The following CHN1 variants were observed in gnomAD, a reference collection of about 807,000 sequenced individuals.
CHN1 encodes the protein chimerin 1, also known as N-chimaerin.
CHN1 carries 37 observed loss-of-function variants against 59.5 expected under a neutral mutation model. That is an observed-to-expected ratio of 0.62 (90% CI 0.48 to 0.82). CHN1 has a LOEUF of 0.82. Ranked by LOEUF, CHN1 falls within the 40% of genes least tolerant of loss-of-function variation. The pLI is 0.00. For missense variants in CHN1, 469 were observed against 571.0 expected, an observed-to-expected ratio of 0.82 and a Z score of 1.82; for synonymous variants, 206 against 200.4, an observed-to-expected ratio of 1.03 and a Z score of -0.24.
intron 1 of CHN1, among the ~76,000 whole-genome samples, chr2:174,994,635 C>T (rs970435849): frequency 6.6e-6 from 1 of 152,156 alleles, no homozygotes; most frequent in Non-Finnish European, 1.5e-5. Context: ...AAAGGGGTAA[C>T]GCACAAAGGA....
At chr2:174,988,136 A>G (rs1030315490) in intron 1 of CHN1, among the ~76,000 whole-genome samples, 3 of 152,130 alleles carry the variant, frequency 2.0e-5, no homozygotes, top group African/African-American at 7.2e-5. Flanking sequence ...AGGCGGGCGG[A>G]TCACGAGGTC....
chr2:174,968,136 A>C (rs963219739), intron 1 of CHN1, among the ~76,000 whole-genome samples: 1 of 152,262 alleles, frequency 6.6e-6, no homozygotes, highest in Non-Finnish European at 1.5e-5. Context: ...TAACGCTTAC[A>C]TGAAACTATT....
At position 174,830,790 on chromosome 2, in the gene CHN1, AC is replaced by A. The variant is rs577701515; in HGVS notation, c.628-6273del. 3.9e-3 allele frequency among the ~76,000 whole-genome samples: 596 copies of A among 152,314 alleles called. 4 individuals are homozygous for A. The highest frequency in any genetic ancestry group is 0.014 in the African/African-American group (571 of 41,566). ...GGCGCAGGTGCTAATGGCCTGTATA[AC>A]CAGCTGCTATAGAGGTGGCCACACG... On this transcript the variant is annotated intron_variant, in intron 7 of 12. Coordinates refer to ENST00000409900, the MANE Select transcript of CHN1 (RefSeq NM_001822.7).
chr2:174,878,687 C>T (rs1471238194), intron 5 of CHN1, among the ~76,000 whole-genome samples: 2 of 152,254 alleles, frequency 1.3e-5, no homozygotes, highest in Non-Finnish European at 2.9e-5. Flanking sequence ...CACACTTTCG[C>T]TACTTCTGGC....
At chr2:174,957,988 A>G (rs1321415312) in intron 1 of CHN1, among the ~76,000 whole-genome samples, 1 of 152,134 alleles carries the variant, frequency 6.6e-6, no homozygotes, top group East Asian at 1.9e-4. Context: ...GGTTGGAAAT[A>G]TCCCACGTGG....
intron 3 of CHN1, among the ~76,000 whole-genome samples, chr2:174,927,493 G>A (rs1369848751): frequency 6.6e-6 from 1 of 152,070 alleles, no homozygotes; most frequent in Non-Finnish European, 1.5e-5. Context: ...GCTCTCCACA[G>A]GAAATTTGAA....
intron 6 of CHN1, among the ~76,000 whole-genome samples, chr2:174,873,847 G>A (rs1209415706): frequency 6.6e-6 from 1 of 151,804 alleles, no homozygotes; most frequent in African/African-American, 2.4e-5. Context: ...AGCTTAGAGG[G>A]GAAGAAAAAA....
At chr2:174,973,684 C>A (rs1690831572) in intron 1 of CHN1, among the ~76,000 whole-genome samples, 2 of 152,156 alleles carry the variant, frequency 1.3e-5, no homozygotes, top group Non-Finnish European at 2.9e-5. Context: ...CTTTGTGCTG[C>A]CAGCTTTGGC....
At chr2:174,822,796 A>G (rs1367891532) in intron 8 of CHN1, among the ~76,000 whole-genome samples, 3 of 152,072 alleles carry the variant, frequency 2.0e-5, no homozygotes, top group African/African-American at 7.2e-5. Context: ...CTTCATCCCA[A>G]CTCTGGATAA....
At chr2:174,889,066 C>G (rs1687973729) in intron 5 of CHN1, among the ~76,000 whole-genome samples, 1 of 152,198 alleles carries the variant, frequency 6.6e-6, no homozygotes, top group African/African-American at 2.4e-5. Flanking sequence ...ACCTGCAAAA[C>G]TACTCACAGA....
chr2:174,886,826 T>G (rs1225591997), intron 5 of CHN1, among the ~76,000 whole-genome samples: 1 of 150,784 alleles, frequency 6.6e-6, no homozygotes, highest in Admixed American at 6.6e-5. Context: ...CAGAAAAAAA[T>G]GTCTTACTAA....
chr2:174,848,086 C>T (rs1558950903), intron 6 of CHN1, among the ~76,000 whole-genome samples: 1 of 152,124 alleles, frequency 6.6e-6, no homozygotes, highest in African/African-American at 2.4e-5. Context: ...TATTTTCATG[C>T]AGAACAAGGA....
intron 1 of CHN1, among the ~76,000 whole-genome samples, chr2:174,972,786 T>C (rs1252712585): frequency 6.6e-6 from 1 of 152,112 alleles, no homozygotes; most frequent in Non-Finnish European, 1.5e-5. Flanking sequence ...TCAGAGAGAA[T>C]GTTTAACAAA....
Position 174,811,513 on chromosome 2 carries a change from C to G in CHN1, c.962G>C (p.Arg321Thr), listed in dbSNP as rs202153128. 7.5e-5 allele frequency: 121 copies of G among 1,607,190 alleles called. 2 individuals are homozygous for G. The Middle Eastern group carries it at 1.3e-3, about 18-fold the overall frequency. The change falls in exon 10 of 13, where the codon AGA becomes ACA. Residue 321 changes from arginine to threonine, a missense_variant and splice_region_variant. Arg to Thr is a moderately conservative substitution (Grantham distance 71). This residue lies in a region of CHN1 where 225 missense variants were observed against 289.9 expected (regional missense o/e 0.78). Transcript: ENST00000409900. The stretch of plus-strand genomic sequence containing the variant: ...ATGGAACATTGTGAAAAACATACCT[C>G]TGTCGAAAGCCATCTTGACATCTTC... ...LIEDVKMAFD[R>T]DGEKADISVN...
intron 1 of CHN1, among the ~76,000 whole-genome samples, chr2:174,998,553 G>C (rs531760648): frequency 6.6e-6 from 1 of 152,222 alleles, no homozygotes; most frequent in South Asian, 2.1e-4. Context: ...CAGAGTCAGA[G>C]TGGAAAGAGA....
At chr2:174,932,247 C>T (rs1383107708) in intron 3 of CHN1, among the ~76,000 whole-genome samples, 1 of 152,158 alleles carries the variant, frequency 6.6e-6, no homozygotes, top group South Asian at 2.1e-4. Flanking sequence ...ATATAACATT[C>T]CTGTATATGT....
At chr2:174,828,134 A>G (rs998312268) in intron 7 of CHN1, among the ~76,000 whole-genome samples, 2 of 152,170 alleles carry the variant, frequency 1.3e-5, no homozygotes, top group African/African-American at 4.8e-5. Context: ...AGTTACAGGA[A>G]TTCATGCCTG....
At chr2:174,817,872 C>T (rs1193713337) in intron 8 of CHN1, among the ~76,000 whole-genome samples, 1 of 152,110 alleles carries the variant, frequency 6.6e-6, no homozygotes, top group Non-Finnish European at 1.5e-5. Context: ...CTCCTGACCT[C>T]GTGATCCTCC....
chr2:174,953,707 C>A (rs115183693), intron 1 of CHN1, among the ~76,000 whole-genome samples: 3,423 of 151,830 alleles, frequency 0.023, 65 homozygotes, highest in Non-Finnish European at 0.034. Flanking sequence ...AAACAAAAAC[C>A]AAAAAAACTT....
Sources: gnomAD v4.1 joint callset for allele counts (sites outside exome capture counted in the v4.1 genomes callset) on GRCh38, gnomAD v4.1.1 for gene constraint, gnomAD v4.1.1 regional missense constraint, MANE v1.5 for transcripts, NCBI Gene and HGNC (gene_info 2026-07-23, HGNC 2026-07-21) for gene names.